Variants in HOXC5 observed in about 807,000 individuals in gnomAD.
HOXC5 encodes homeobox C5.
A neutral mutation model predicts 20.1 loss-of-function variants in HOXC5; 19 were observed. That is an observed-to-expected ratio of 0.94 (90% CI 0.66 to 1.38). The LOEUF is 1.38. HOXC5 is among the 40% of genes most tolerant of loss of function. HOXC5 has a pLI of 0.00. For synonymous variants in HOXC5, 124 were observed against 117.0 expected (o/e 1.06, Z -0.39); for missense variants, 330 against 300.1 (o/e 1.10, Z -0.74).
At chr12:54,028,015 G>A in the HOXC5 span, among the ~76,000 whole-genome samples, 1 of 152,124 alleles carries the variant, frequency 6.6e-6, no homozygotes, top group Non-Finnish European at 1.5e-5. Context: ...TCCTGTGCTG[G>A]GAGGGAGTTC....
At chr12:54,025,408 G>A in the HOXC5 span, among the ~76,000 whole-genome samples, 1 of 151,810 alleles carries the variant, frequency 6.6e-6, no homozygotes, top group Non-Finnish European at 1.5e-5. Flanking sequence ...AGGGAAGATC[G>A]GGCTCATCTG....
chr12:54,029,497 C>A (rs1382874523), upstream of HOXC5: 1 of 608,120 alleles, frequency 1.6e-6, no homozygotes, highest in South Asian at 2.3e-5. Flanking sequence ...GCTGTACCCC[C>A]AGTGGGGGTG....
At chr12:54,029,542 G>T (rs1232623126), upstream of HOXC5, 16 of 1,117,802 alleles carry the variant, frequency 1.4e-5, no homozygotes, top group Non-Finnish European at 2.1e-5. Context: ...AGAGCCCTAA[G>T]GAGGCTGTGA....
In HOXC5 at chr12:54,033,160, G is replaced by C. The variant is rs1373603433; in HGVS notation, c.38G>C (p.Ser13Thr). ...SYVANSFYKQSPNIPAYNMQT... is the reference protein window; with the variant it reads ...SYVANSFYKQTPNIPAYNMQT... ...GTAGCCAATTCATTCTATAAGCAGA[G>C]CCCCAATATCCCTGCCTATAACATG... The change falls in exon 1 of 2, where the codon AGC (serine) becomes ACC (threonine). Residue 13 changes from serine to threonine, a missense_variant. Physicochemically the swap from Ser to Thr is moderately conservative, Grantham distance 58 (BLOSUM62 1). Transcript: ENST00000312492. 1.2e-6 allele frequency: 2 copies of C among 1,613,990 alleles called. No homozygotes were observed. The highest frequency in any genetic ancestry group is 1.7e-6 in the Non-Finnish European group (2 of 1,179,874).
the HOXC5 span, among the ~76,000 whole-genome samples, chr12:54,018,456 G>C: frequency 6.6e-6 from 1 of 152,246 alleles, no homozygotes; most frequent in South Asian, 2.1e-4. Flanking sequence ...GGGGCTGCTG[G>C]CTTATGGGGT....
rs1484920360 is a variant in HOXC5 at position 54,034,865 on chromosome 12, G to T, written c.*373G>T. On this transcript the variant is annotated 3_prime_UTR_variant, in exon 2 of 2. Coordinates refer to ENST00000312492, the MANE Select transcript of HOXC5 (RefSeq NM_018953.4). ...TCCCGAGTTAAGGTGGGCCCGGCCC[G>T]CGCCACAGGACCCTCGCCGGACCCT... is the stretch of plus-strand genomic sequence containing the variant. 1.7e-5 allele frequency: 5 copies of T among 291,498 alleles called. No individual in the cohort carries two copies. Among genetic ancestry groups the T allele is most frequent in the Non-Finnish European group, 3.3e-5 (5 of 150,772 alleles). 18.1% of individuals were successfully genotyped at this position (291,498 alleles called of 1,614,324 possible). A position where few individuals can be genotyped will look rare whatever the true frequency, so the allele number is the denominator to read the frequency against.
At chr12:54,031,880 C>G (rs1336212645), upstream of HOXC5, among the ~76,000 whole-genome samples, 3 of 152,188 alleles carry the variant, frequency 2.0e-5, no homozygotes. Context: ...CAGGTCCGCC[C>G]CATTCCTCTT....
the HOXC5 span, among the ~76,000 whole-genome samples, chr12:54,019,269 T>C: frequency 2.1e-5 from 3 of 144,720 alleles, no homozygotes; most frequent in Admixed American, 1.4e-4. Context: ...GAAAAGCGCT[T>C]GGCTCTCCCC....
the HOXC5 span, chr12:54,021,664 C>T: frequency 2.6e-5 from 4 of 152,314 alleles, no homozygotes; most frequent in African/African-American, 9.7e-5. Flanking sequence ...TTCCTCCCGC[C>T]CTTCAAGGAG....
At chr12:54,025,533 GGGGGGA>G in the HOXC5 span, among the ~76,000 whole-genome samples, 1 of 48,424 alleles carries the variant, frequency 2.1e-5, no homozygotes, top group Non-Finnish European at 5.3e-5. Flanking sequence ...TAATTGGGGG[GGGGGGA>G]GGTGTTGAAA....
upstream of HOXC5, among the ~76,000 whole-genome samples, chr12:54,031,932 G>T (rs1941003030): frequency 6.6e-6 from 1 of 152,166 alleles, no homozygotes; most frequent in Non-Finnish European, 1.5e-5. Flanking sequence ...TATGGATTCA[G>T]GTCCCTGGAA....
the HOXC5 span, among the ~76,000 whole-genome samples, chr12:54,019,563 C>T: frequency 6.6e-6 from 1 of 152,298 alleles, no homozygotes; most frequent in Non-Finnish European, 1.5e-5. Flanking sequence ...TGGATGGCCG[C>T]TGATGGGGGG....
At position 54,033,106 on chromosome 12, in the gene HOXC5, T is replaced by C; in HGVS notation, c.-17T>C. The C allele has an allele frequency of 6.3e-7, 1 of 1,591,568 alleles. No homozygotes were observed. Among genetic ancestry groups the C allele is most frequent in the Non-Finnish European group, 8.6e-7 (1 of 1,164,198 alleles). ...TAATCAAAAAGGGTGCAGAAATTTT[T>C]TTGGGCCCTCCCCGCCATGAGCTCC... On this transcript the variant is annotated 5_prime_UTR_variant, in exon 1 of 2. Transcript: ENST00000312492.
chr12:54,026,187 C>A, the HOXC5 span, among the ~76,000 whole-genome samples: 1 of 152,252 alleles, frequency 6.6e-6, no homozygotes, highest in South Asian at 2.1e-4. Context: ...ACCCTTAGGG[C>A]AGAAAGGAGG....
upstream of HOXC5, chr12:54,029,002 A>G: frequency 7.2e-7 from 1 of 1,390,874 alleles, no homozygotes. Context: ...ACGGGCGGAG[A>G]GAGTTTTTTA....
Position 54,034,749 on chromosome 12 carries a change from A to G in HOXC5, c.*257A>G. On this transcript the variant is annotated 3_prime_UTR_variant, in exon 2 of 2. Coordinates refer to ENST00000312492, the MANE Select transcript of HOXC5 (RefSeq NM_018953.4). Reference sequence around the variant, plus strand: ...ACCCGGGGCCCAGGGCAAGCTCCGCAGGACTTCCCCGGAGGGCTGCGGCGT... The same window carrying G: ...ACCCGGGGCCCAGGGCAAGCTCCGCGGGACTTCCCCGGAGGGCTGCGGCGT... The G allele has an allele frequency of 2.0e-6, 1 of 488,570 alleles. No individual in the cohort carries two copies. Among genetic ancestry groups the G allele is most frequent in the Non-Finnish European group, 3.7e-6 (1 of 267,162 alleles). 30.3% of individuals were successfully genotyped at this position (488,570 alleles called of 1,614,324 possible).
At chr12:54,022,996 G>GGATA in the HOXC5 span, among the ~76,000 whole-genome samples, 1 of 152,212 alleles carries the variant, frequency 6.6e-6, no homozygotes, top group South Asian at 2.1e-4. Flanking sequence ...AAAATATTCT[G>GGATA]GATATTCTGC....
At position 54,034,777 on chromosome 12, in the gene HOXC5, A is replaced by C. The variant is rs943620752; in HGVS notation, c.*285A>C. 1 of 428,836 alleles carries C rather than the reference A, an allele frequency of 2.3e-6. No homozygotes were observed. The highest frequency in any genetic ancestry group is 2.0e-5 in the African/African-American group (1 of 49,796). The allele number at this position is 428,836 out of a possible 1,614,324, so 26.6% of individuals were successfully genotyped here. ...ACTTCCCCGGAGGGCTGCGGCGTACAGGCTGGCGCAGAACGAACCTTGGCC... is the reference window on the plus strand; with the variant it reads ...ACTTCCCCGGAGGGCTGCGGCGTACCGGCTGGCGCAGAACGAACCTTGGCC... On this transcript the variant is annotated 3_prime_UTR_variant, in exon 2 of 2. Coordinates refer to ENST00000312492, the MANE Select transcript of HOXC5 (RefSeq NM_018953.4).
rs754651283 is a variant in HOXC5 at position 54,033,492 on chromosome 12, C to G, written c.370C>G (p.Gln124Glu). The change falls in exon 1 of 2, where the codon CAG becomes GAG. Residue 124 changes from glutamine (Q) to glutamate (E), a missense_variant. By Grantham distance (29) the Gln-to-Glu change is conservative. Transcript: ENST00000312492. ...TGGGGAGATCAAAGAGGAGCAGGCG[C>G]AGACAGGGCAGCCCGCCGGACTGAG... ...SSGEIKEEQAQTGQPAGLSQP... is the reference protein window; with the variant it reads ...SSGEIKEEQAETGQPAGLSQP... The G allele has an allele frequency of 6.3e-7, 1 of 1,591,934 alleles. No homozygotes were observed.
Sources: allele counts gnomAD v4.1 joint callset (sites outside exome capture counted in the v4.1 genomes callset), GRCh38; gene constraint gnomAD v4.1.1; transcripts MANE v1.5; gene names NCBI Gene and HGNC (gene_info 2026-07-23, HGNC 2026-07-21).